TENM2: variants seen among roughly 807,000 people sequenced by gnomAD.
The protein encoded by TENM2 is teneurin-2.
TENM2 carries 52 observed loss-of-function variants against 245.2 expected under a neutral mutation model. That is an observed-to-expected ratio of 0.21 (90% CI 0.17 to 0.27). The LOEUF (loss-of-function observed/expected upper bound fraction) is 0.27. Among genes scored for constraint, TENM2 ranks in the 10% least tolerant of loss-of-function variants. The probability of loss-of-function intolerance (pLI) is 1.00; values close to 1 mark genes in which losing one functional copy is unlikely to be tolerated. For missense variants in TENM2, 3,046 were observed against 3,666.8 expected (o/e 0.83, Z 4.37); for synonymous variants, 1,363 against 1,438.9 (o/e 0.95, Z 1.19).
At chr5:168,050,483 CT>C (rs1562097380) in intron 6 of TENM2, among the ~76,000 whole-genome samples, 2 of 151,824 alleles carry the variant, frequency 1.3e-5, no homozygotes, top group Admixed American at 6.6e-5. Context: ...ACACCGCCTC[CT>C]TTTTTTGGTG....
rs968735643 is a variant in TENM2, at chr5:168,170,991, C to T, written c.2569+8234C>T. ...TCCTCTCCGGAAGCTCTGCCTCATC[C>T]ACTCTGGCCGGTGTTTAGACTGCAC... On this transcript the variant is annotated intron_variant, in intron 13 of 28. Coordinates refer to ENST00000518659, the Ensembl canonical transcript of TENM2. 3.3e-5 allele frequency among the ~76,000 whole-genome samples: 5 copies of T among 152,332 alleles called. No homozygotes were observed. In the South Asian group the frequency reaches 8.3e-4, roughly 25 times the overall value.
At chr5:167,960,814 AG>A (rs1780954321) in intron 4 of TENM2, among the ~76,000 whole-genome samples, 1 of 152,146 alleles carries the variant, frequency 6.6e-6, no homozygotes, top group Non-Finnish European at 1.5e-5. Context: ...CTTGAAACCC[AG>A]GGCCCTGGTG....
chr5:168,094,598 C>T (rs1032179699), intron 8 of TENM2, among the ~76,000 whole-genome samples: 1 of 151,928 alleles, frequency 6.6e-6, no homozygotes, highest in Admixed American at 6.6e-5. Flanking sequence ...GGCCGCAGAT[C>T]AGTATTCACC....
chr5:167,990,806 T>C (rs1375779682), intron 4 of TENM2, among the ~76,000 whole-genome samples: 3 of 152,228 alleles, frequency 2.0e-5, no homozygotes, highest in African/African-American at 7.2e-5. Flanking sequence ...CATATTGGGT[T>C]TGTTTGATCT....
exon 25 of TENM2, chr5:168,228,004 C>T: frequency 6.2e-7 from 1 of 1,613,856 alleles, no homozygotes; most frequent in South Asian, 1.1e-5. Flanking sequence ...TAGCGGGCAC[C>T]ATCACCCCCA....
At chr5:167,698,679 GTTTT>G (rs1225922111) in intron 2 of TENM2, among the ~76,000 whole-genome samples, 1 of 97,758 alleles carries the variant, frequency 1.0e-5, no homozygotes, top group African/African-American at 4.2e-5. Context: ...TTTGTTTTTT[GTTTT>G]TTTTTTTTTT....
At chr5:167,354,222 A>C (rs1268854353) in intron 1 of TENM2, among the ~76,000 whole-genome samples, 5 of 152,202 alleles carry the variant, frequency 3.3e-5, no homozygotes, top group African/African-American at 9.6e-5. Flanking sequence ...TTATGGTGTC[A>C]CAGTTCCTGA....
In TENM2 at chr5:168,228,106, C is replaced by T. The variant is rs748923082; in HGVS notation, c.5496C>T (p.Val1832=). The T allele has an allele frequency of 5.0e-6, 8 of 1,612,660 alleles. No homozygotes were observed. The Middle Eastern group carries it at 5.0e-4, about 100-fold the overall frequency. Reference sequence around the variant, plus strand: ...GAAAGGAACAGATTAAAGGCAAAGTCACCATCTTTGGCAGGAAGCTCCGGG... The same window carrying T: ...GAAAGGAACAGATTAAAGGCAAAGTTACCATCTTTGGCAGGAAGCTCCGGG... Residue 1832 remains valine, a synonymous_variant, in exon 25 of 29, where the codon GTC becomes GTT. Transcript: ENST00000518659.
intron 13 of TENM2, among the ~76,000 whole-genome samples, chr5:168,167,508 G>A (rs764782484): frequency 6.6e-6 from 1 of 152,174 alleles, no homozygotes; most frequent in Non-Finnish European, 1.5e-5. Flanking sequence ...CGGTGACAGT[G>A]GAGACCAAGG....
intron 12 of TENM2, among the ~76,000 whole-genome samples, chr5:168,140,106 A>G (rs1227471564): frequency 6.6e-6 from 1 of 152,144 alleles, no homozygotes; most frequent in African/African-American, 2.4e-5. Context: ...TTGATGCCCC[A>G]TCTCTCCTTG....
intron 4 of TENM2, among the ~76,000 whole-genome samples, chr5:167,984,765 A>G (rs1003183593): frequency 4.6e-5 from 7 of 152,212 alleles, no homozygotes; most frequent in African/African-American, 1.4e-4. Context: ...TTGCTACTCA[A>G]GTAGGGCTCA....
At chr5:168,260,544 T>C (rs1218889736) in intron 28 of TENM2, 131 bp downstream of exon 30, 9 of 1,029,304 alleles carry the variant, frequency 8.7e-6, no homozygotes, top group African/African-American at 3.2e-5. Flanking sequence ...GCAGGACACA[T>C]TGAGACTTCC....
rs111419765 is a variant in TENM2 at position 167,639,766 on chromosome 5, T to C, written c.503-236220T>C. Among the ~76,000 whole-genome samples, 12 of 152,286 alleles carry C rather than the reference T, an allele frequency of 7.9e-5. 1 individual carries two copies. The highest frequency in any genetic ancestry group is 7.7e-4 in the East Asian group (4 of 5,180). On this transcript the variant is annotated intron_variant, in intron 2 of 28. Coordinates refer to ENST00000518659, the Ensembl canonical transcript of TENM2. ...CCCATCACTCTCTTAAATGAGCTAG[T>C]TGGTTTATTCACTCCTCTTTCTTAC...
chr5:167,762,585 A>AT (rs1482220623), intron 2 of TENM2, among the ~76,000 whole-genome samples: 1 of 152,106 alleles, frequency 6.6e-6, no homozygotes, highest in African/African-American at 2.4e-5. Flanking sequence ...CCAATTTTAG[A>AT]TATTCTCCTG....
At chr5:167,784,924 A>C (rs115883151) in intron 2 of TENM2, among the ~76,000 whole-genome samples, 1,996 of 152,312 alleles carry the variant, frequency 0.013, 43 homozygotes, top group African/African-American at 0.045. Context: ...ATTCAACTCC[A>C]AATGATTTCA....
intron 3 of TENM2, among the ~76,000 whole-genome samples, chr5:167,897,074 C>A (rs1483500626): frequency 1.3e-5 from 2 of 152,176 alleles, no homozygotes; most frequent in African/African-American, 4.8e-5. Flanking sequence ...CATTCTATCA[C>A]GCATCAAAGA....
chr5:167,763,853 T>A (rs1422738792), intron 2 of TENM2, among the ~76,000 whole-genome samples: 1 of 152,222 alleles, frequency 6.6e-6, no homozygotes, highest in Admixed American at 6.5e-5. Flanking sequence ...GTGAGCATTT[T>A]TTTTTTCCTT....
intron 1 of TENM2, among the ~76,000 whole-genome samples, chr5:167,317,045 T>A (rs1413286968): frequency 3.3e-5 from 5 of 152,292 alleles, no homozygotes; most frequent in Admixed American, 6.5e-5. Context: ...CTTTATTTTC[T>A]TATCACATTG....
chr5:167,797,565 T>C (rs577058342), intron 2 of TENM2, among the ~76,000 whole-genome samples: 1 of 152,200 alleles, frequency 6.6e-6, no homozygotes, highest in South Asian at 2.1e-4. Context: ...TTGTAAGTCA[T>C]TGTATTTCTT....
Sources: gnomAD v4.1 joint callset for allele counts (sites outside exome capture counted in the v4.1 genomes callset) on GRCh38, gnomAD v4.1.1 for gene constraint, MANE v1.5 for transcripts, NCBI Gene and HGNC (gene_info 2026-07-23, HGNC 2026-07-21) for gene names.